PDS5A: variants seen among roughly 807,000 people sequenced by gnomAD.
PDS5A encodes the protein sister chromatid cohesion protein PDS5 homolog A.
PDS5A carries 42 observed loss-of-function variants against 167.1 expected under a neutral mutation model. The ratio of observed to expected loss-of-function variants is 0.25; its 90% confidence interval spans 0.20 to 0.33. The LOEUF is 0.33. PDS5A is among the 10% of genes least tolerant of loss of function. The probability of loss-of-function intolerance (pLI) is 1.00; values close to 1 mark genes in which losing one functional copy is unlikely to be tolerated. For synonymous variants in PDS5A, 553 were observed against 554.6 expected, an observed-to-expected ratio of 1.00 and a Z score of 0.04; for missense variants, 1,033 against 1,605.9, an observed-to-expected ratio of 0.64 and a Z score of 6.10.
At chr4:39,916,874 G>GA (rs534076682) in intron 8 of PDS5A, among the ~76,000 whole-genome samples, 174 bp downstream of exon 8, 2 of 148,960 alleles carry the variant, frequency 1.3e-5, no homozygotes, top group Non-Finnish European at 1.5e-5. Context: ...CTCAAAAAAA[G>GA]AAAAAAAAAG....
intron 2 of PDS5A, among the ~76,000 whole-genome samples, chr4:39,972,238 T>C (rs1473383026): frequency 6.6e-6 from 1 of 152,026 alleles, no homozygotes; most frequent in Admixed American, 6.6e-5. Flanking sequence ...TGAGACACGG[T>C]TGGCTGGGCG....
chr4:39,969,040 G>GC (rs1326706017), intron 2 of PDS5A, among the ~76,000 whole-genome samples: 1 of 152,200 alleles, frequency 6.6e-6, no homozygotes, highest in Non-Finnish European at 1.5e-5. Context: ...ATCCCAAAGT[G>GC]CTGGGATTAC....
intron 24 of PDS5A, 44 bp from the exon 25 acceptor site, chr4:39,863,117 A>G (rs372626722): frequency 2.8e-6 from 4 of 1,429,146 alleles, no homozygotes; most frequent in Non-Finnish European, 3.9e-6. Flanking sequence ...CATTTATTAA[A>G]TAAAAAACAG....
Position 39,872,924 on chromosome 4 carries a change from GTGA to G in PDS5A, c.2436+59_2436+61del, listed in dbSNP as rs1234834319. On this transcript the variant is annotated intron_variant, in intron 21 of 32. Transcript: ENST00000303538. ...ATTACACAGAAACAGAAGTGTTTCT[GTGA>G]TGAAGATGTAAACAGCCTTAATCTC... 6.0e-6 allele frequency: 5 copies of G among 839,478 alleles called. No homozygotes were observed. In the South Asian group the frequency reaches 1.4e-4, roughly 23 times the overall value. The allele number at this position is 839,478 out of a possible 1,614,324, so 52.0% of individuals were successfully genotyped here.
chr4:39,874,375 C>T lies in PDS5A; in HGVS notation c.2191G>A (p.Gly731Ser), dbSNP rs773938769. The change falls in exon 20 of 33, where the codon GGT becomes AGT. Residue 731 changes from glycine to serine, a missense_variant. By Grantham distance (56) the Gly-to-Ser change is moderately conservative. Around this residue, in one of 4 missense-constraint regions of PDS5A, gnomAD observed 367 missense variants for 686.7 expected, o/e 0.53. Coordinates refer to ENST00000303538, the MANE Select transcript of PDS5A (RefSeq NM_001100399.2). ...IPILHQKAKR[G>S]TPHQAKQAVH... is the part of the protein sequence containing the mutation. Reference sequence around the variant, plus strand: ...GCCTGTTTTGCTTGGTGTGGAGTACCCCTCTTTGCTTTTTGATGTAAAATG... The same window carrying T: ...GCCTGTTTTGCTTGGTGTGGAGTACTCCTCTTTGCTTTTTGATGTAAAATG... The T allele has an allele frequency of 1.2e-6, 2 of 1,612,628 alleles. No individual in the cohort carries two copies. Among genetic ancestry groups the T allele is most frequent in the Non-Finnish European group, 1.7e-6 (2 of 1,178,820 alleles).
At chr4:39,829,950 C>CAAAAAAAAAAAAAAAAAAAAAAAAAAAA (rs1158287221) in intron 32 of PDS5A, among the ~76,000 whole-genome samples, 1 of 67,296 alleles carries the variant, frequency 1.5e-5, no homozygotes, top group African/African-American at 8.4e-5. Flanking sequence ...GACTCCAACT[C>CAAAAAAAAAAAAAAAAAAAAAAAAAAAA]AAAAAAAAAA....
At chr4:39,851,548 A>G (rs369749035) in intron 26 of PDS5A, among the ~76,000 whole-genome samples, 4 of 152,304 alleles carry the variant, frequency 2.6e-5, no homozygotes, top group African/African-American at 9.6e-5. Flanking sequence ...TTGGCCTCAC[A>G]AAGTGCCAGG....
chr4:39,973,228 G>C, intron 2 of PDS5A: 1 of 1,358,868 alleles, frequency 7.4e-7, no homozygotes, highest in South Asian at 1.2e-5. Flanking sequence ...CCTTAGAACA[G>C]AGTGACTCTG....
Position 39,866,866 on chromosome 4 carries a change from C to A in PDS5A, c.2637G>T (p.Arg879Ser). ...VSEGDLTEQKRISKSDMSRLR... is the reference protein window; with the variant it reads ...VSEGDLTEQKSISKSDMSRLR... Reference sequence around the variant, plus strand: ...GAAAGAAAGAAAAATCTCACCTGATCCTCTTTTGCTCTGTCAGGTCACCCT... The same window carrying A: ...GAAAGAAAGAAAAATCTCACCTGATACTCTTTTGCTCTGTCAGGTCACCCT... Residue 879 changes from arginine to serine, a missense_variant, in exon 23 of 33, where the codon AGG (arginine) becomes AGT (serine). By Grantham distance (110) the Arg-to-Ser change is moderately radical. This residue lies in a region of PDS5A where 367 missense variants were observed against 686.7 expected (regional missense o/e 0.53). Transcript: ENST00000303538. The A allele has an allele frequency of 6.2e-7, 1 of 1,601,558 alleles. No individual in the cohort carries two copies. The highest frequency in any genetic ancestry group is 2.2e-5 in the East Asian group (1 of 44,754).
At chr4:39,915,805 T>C (rs370259983) in intron 8 of PDS5A, among the ~76,000 whole-genome samples, 1 of 152,200 alleles carries the variant, frequency 6.6e-6, no homozygotes, top group African/African-American at 2.4e-5. Context: ...TGAAACAATA[T>C]ATGGAAATTT....
intron 32 of PDS5A, among the ~76,000 whole-genome samples, chr4:39,826,514 T>A (rs991409162): frequency 1.3e-5 from 2 of 150,868 alleles, no homozygotes; most frequent in African/African-American, 4.9e-5. Flanking sequence ...TGAGATGGAG[T>A]CTCGCTCTGT....
At chr4:39,832,837 G>A (rs1482982168) in intron 32 of PDS5A, among the ~76,000 whole-genome samples, 2 of 151,686 alleles carry the variant, frequency 1.3e-5, no homozygotes, top group African/African-American at 4.8e-5. Flanking sequence ...CAGCCTGAGT[G>A]ACAGAGTGAG....
At chr4:39,976,814 C>G (rs506392) in intron 1 of PDS5A, among the ~76,000 whole-genome samples, 197 bp from the exon 2 acceptor site, 2 of 152,090 alleles carry the variant, frequency 1.3e-5, no homozygotes, top group Non-Finnish European at 2.9e-5. Flanking sequence ...CCCAGGCTCA[C>G]GGGGCTCCTC....
rs144745129 is a variant in PDS5A at position 39,839,833 on chromosome 4, G to C, written c.3658-1625C>G. ...AAATTACCAATTTCATTTAATAGTTGAGCCGTAATTCCAGCACTTTGGGAG... is the reference window on the plus strand; with the variant it reads ...AAATTACCAATTTCATTTAATAGTTCAGCCGTAATTCCAGCACTTTGGGAG... On this transcript the variant is annotated intron_variant, in intron 31 of 32. Transcript: ENST00000303538. Among the ~76,000 whole-genome samples, 669 of 150,426 alleles carry C rather than the reference G, an allele frequency of 4.4e-3. 8 individuals are homozygous for C. The highest frequency in any genetic ancestry group is 0.015 in the African/African-American group (633 of 40,934).
At chr4:39,829,537 C>T (rs1715620424) in intron 32 of PDS5A, among the ~76,000 whole-genome samples, 2 of 151,778 alleles carry the variant, frequency 1.3e-5, no homozygotes, top group South Asian at 4.2e-4. Flanking sequence ...GTTCTAGCTA[C>T]TCGGGAGGCT....
At chr4:39,831,875 C>CA (rs58913167) in intron 32 of PDS5A, among the ~76,000 whole-genome samples, 919 of 25,910 alleles carry the variant, frequency 0.035, 169 homozygotes, top group Middle Eastern at 0.056. Context: ...AAACTCGTCT[C>CA]AAAAAAAAAA....
chr4:39,936,722 A>G (rs1193615829), intron 2 of PDS5A: 8 of 152,146 alleles, frequency 5.3e-5, no homozygotes, highest in Admixed American at 5.2e-4. Context: ...GGTGTGAACC[A>G]CTGCACCTGG....
At chr4:39,825,529 G>A (rs756168387) in intron 32 of PDS5A, 41 bp from the exon 33 acceptor site, 4 of 1,497,322 alleles carry the variant, frequency 2.7e-6, no homozygotes, top group Non-Finnish European at 3.6e-6. Flanking sequence ...AAAAGATGTG[G>A]AGAAGATATA....
At chr4:39,915,328 A>G (rs576436841) in intron 8 of PDS5A, among the ~76,000 whole-genome samples, 2 of 146,250 alleles carry the variant, frequency 1.4e-5, no homozygotes, top group African/African-American at 5.1e-5. Context: ...GACATGAGGT[A>G]CCACAACCGG....
Sources: allele counts gnomAD v4.1 joint callset (sites outside exome capture counted in the v4.1 genomes callset), GRCh38; gene constraint gnomAD v4.1.1; regional missense constraint gnomAD v4.1.1; transcripts MANE v1.5; gene names NCBI Gene and HGNC (gene_info 2026-07-23, HGNC 2026-07-21).